The following SRSF1 variants were observed in gnomAD, a reference collection of about 807,000 sequenced individuals.
SRSF1 encodes the protein serine and arginine rich splicing factor 1, also known as serine/arginine-rich splicing factor 1.
Under a neutral mutation model 25.9 loss-of-function variants are expected in SRSF1, and 1 was observed. The ratio of observed to expected loss-of-function variants is 0.04; its 90% CI spans 0.01 to 0.18. The LOEUF (loss-of-function observed/expected upper bound fraction) is 0.18. Among genes scored for constraint, SRSF1 ranks in the 10% least tolerant of loss-of-function variants. The pLI is 1.00. For missense variants in SRSF1, 65 were observed against 350.5 expected (o/e 0.19, Z 6.50); for synonymous variants, 132 against 126.2 (o/e 1.05, Z -0.31).
In SRSF1 at chr17:58,005,996, C is replaced by A; in HGVS notation, c.380-23G>T. 1 of 1,593,242 alleles carries A rather than the reference C, an allele frequency of 6.3e-7. No individual in the cohort carries two copies. Among genetic ancestry groups the A allele is most frequent in the South Asian group, 1.1e-5 (1 of 90,066 alleles). ...GTCCTGAAAAAGTGATTTTTTTTTTCTTAGTACCAATTATCTTAAATTTCA... is the reference window on the plus strand; with the variant it reads ...GTCCTGAAAAAGTGATTTTTTTTTTATTAGTACCAATTATCTTAAATTTCA... On this transcript the variant is annotated intron_variant, in intron 2 of 3. Coordinates refer to ENST00000258962, the MANE Select transcript of SRSF1 (RefSeq NM_006924.5). The surrounding 1 kb of genome is among the most constrained non-coding windows in gnomAD (Gnocchi z 5.2).
intron 1 of SRSF1, 127 bp downstream of exon 1, chr17:58,006,817 G>A (rs1471857668): frequency 3.4e-5 from 40 of 1,183,138 alleles, no homozygotes; most frequent in Non-Finnish European, 4.4e-5. Flanking sequence ...CTCCTGCATG[G>A]GCGATACAGT....
Position 58,005,287 on chromosome 17 carries a change from C to G in SRSF1, c.*119G>C. On this transcript the variant is annotated 3_prime_UTR_variant, in exon 4 of 4. Transcript: ENST00000258962. This position sits in a 1 kb window ranked among gnomAD's most constrained non-coding sequence, Gnocchi z 5.2. Reference sequence around the variant, plus strand: ...GGAGCAAGGGGATATTACAAGAATGCAATTCAACACTTTAGCCCATTCTGA... The same window carrying G: ...GGAGCAAGGGGATATTACAAGAATGGAATTCAACACTTTAGCCCATTCTGA... 2 of 1,054,648 alleles carry G rather than the reference C, an allele frequency of 1.9e-6. No individual in the cohort carries two copies. Among genetic ancestry groups the G allele is most frequent in the Non-Finnish European group, 2.8e-6 (2 of 721,302 alleles). 65.3% of individuals were successfully genotyped at this position (1,054,648 alleles called of 1,614,324 possible).
chr17:57,997,563 G>C (rs964006879), downstream of SRSF1, among the ~76,000 whole-genome samples: 1 of 152,174 alleles, frequency 6.6e-6, no homozygotes, highest in Non-Finnish European at 1.5e-5. Flanking sequence ...AAATTGGAAA[G>C]GTAGAATATA....
chr17:57,998,522 C>T (rs1027402504), downstream of SRSF1, among the ~76,000 whole-genome samples: 13 of 152,118 alleles, frequency 8.5e-5, no homozygotes, highest in African/African-American at 1.2e-4. Flanking sequence ...AAGGAGAATT[C>T]TGAATTTTCA....
chr17:58,006,162 T>C lies in SRSF1; in HGVS notation c.379+181A>G, dbSNP rs2075425633. On this transcript the variant is annotated intron_variant, in intron 2 of 3. Coordinates refer to ENST00000258962, the MANE Select transcript of SRSF1 (RefSeq NM_006924.5). ...TATTTGTAACGATCTTCGTATCTAG[T>C]ACCGCAACCTAATTTGGTAAATCAC... 3.4e-5 allele frequency: 32 copies of C among 953,054 alleles called. No homozygotes were observed. The South Asian group carries it at 5.5e-4, about 16-fold the overall frequency. The allele number at this position is 953,054 out of a possible 1,614,324, so 59.0% of individuals were successfully genotyped here. A position where few individuals can be genotyped will look rare whatever the true frequency, so the allele number is the denominator to read the frequency against.
downstream of SRSF1, among the ~76,000 whole-genome samples, chr17:57,996,803 A>C (rs1347024121): frequency 1.3e-5 from 2 of 152,174 alleles, no homozygotes; most frequent in African/African-American, 2.4e-5. Flanking sequence ...AAGCTAGCTG[A>C]TCCTATAAAC....
At position 58,003,243 on chromosome 17, in the gene SRSF1, T is replaced by G. The variant is rs556504676; in HGVS notation, c.*2163A>C. The G allele has an allele frequency of 3.9e-5, 6 of 152,220 alleles. No individual in the cohort carries two copies. Among genetic ancestry groups the G allele is most frequent in the Non-Finnish European group, 8.8e-5 (6 of 68,030 alleles). The allele number at this position is 152,220 out of a possible 1,614,324, so 9.4% of individuals were successfully genotyped here. The stretch of plus-strand genomic sequence containing the variant: ...GTAGAGAAGCTTATCTTTCAGATGC[T>G]AGATCCATCCCCCACCGTCATTTAC... On this transcript the variant is annotated 3_prime_UTR_variant, in exon 4 of 4. Transcript: ENST00000258962.
chr17:58,006,332 A>G lies in SRSF1; in HGVS notation c.379+11T>C. On this transcript the variant is annotated intron_variant, in intron 2 of 3. Transcript: ENST00000258962. ...TCCCTTCACATCAATCCACACAACC[A>G]GTACACTCACCAGAGACAACCACTC... 6.2e-7 allele frequency: 1 copy of G among 1,607,280 alleles called. No homozygotes were observed. Among genetic ancestry groups the G allele is most frequent in the Non-Finnish European group, 8.5e-7 (1 of 1,176,298 alleles).
At chr17:58,006,713 G>A in intron 1 of SRSF1, 186 bp from the exon 2 acceptor site, 2 of 894,176 alleles carry the variant, frequency 2.2e-6, no homozygotes, top group Non-Finnish European at 3.3e-6. Flanking sequence ...CCAGCCCTCA[G>A]CGCCTCAGTT....
chr17:58,001,000 A>G lies in SRSF1; in HGVS notation c.*4406T>C, dbSNP rs897226047. ...AGTTTTTGGATTTCAAAAAATGGAT[A>G]AGAGACTGTAATCTGTTTTCTGCGT... On this transcript the variant is annotated 3_prime_UTR_variant, in exon 4 of 4. Transcript: ENST00000258962. 1.3e-5 allele frequency among the ~76,000 whole-genome samples: 2 copies of G among 152,190 alleles called. No homozygotes were observed. Among genetic ancestry groups the G allele is most frequent in the African/African-American group, 4.8e-5 (2 of 41,456 alleles).
At chr17:57,996,487 A>AAAAAAAAC (rs1170791562), downstream of SRSF1, among the ~76,000 whole-genome samples, 121 of 150,262 alleles carry the variant, frequency 8.1e-4, no homozygotes, top group Non-Finnish European at 1.5e-3. Flanking sequence ...CTGTCTTAAA[A>AAAAAAAAC]AAAAAAAAAA....
downstream of SRSF1, among the ~76,000 whole-genome samples, chr17:57,997,094 T>C (rs1383704836): frequency 6.6e-6 from 1 of 152,126 alleles, no homozygotes; most frequent in Non-Finnish European, 1.5e-5. Context: ...AGGCAACTAT[T>C]TAGTCTTTTT....
the SRSF1 span, chr17:57,990,216 C>CA: frequency 3.3e-5 from 5 of 152,678 alleles, no homozygotes; most frequent in African/African-American, 1.2e-4. Flanking sequence ...AGCAATCTTT[C>CA]ACACAGCACC....
the SRSF1 span, chr17:57,992,675 A>G: frequency 1.3e-5 from 2 of 152,160 alleles, no homozygotes; most frequent in African/African-American, 4.8e-5. Flanking sequence ...TTCATATGCA[A>G]AAAAATTTAC....
downstream of SRSF1, among the ~76,000 whole-genome samples, chr17:57,997,988 G>A (rs2075371522): frequency 1.3e-5 from 2 of 152,178 alleles, 1 homozygote; most frequent in South Asian, 4.1e-4. Context: ...GCCGAGGCGG[G>A]CGGATCACTT....
At chr17:57,998,775 T>TC (rs1388526102), downstream of SRSF1, among the ~76,000 whole-genome samples, 1 of 152,128 alleles carries the variant, frequency 6.6e-6, no homozygotes, top group East Asian at 1.9e-4. Context: ...TGATTACTTT[T>TC]CCCCCCACAA....
intron 2 of SRSF1, 139 bp from the exon 3 acceptor site, chr17:58,006,112 G>T (rs1477908313): frequency 2.1e-5 from 21 of 993,082 alleles, no homozygotes; most frequent in Non-Finnish European, 2.9e-5. Context: ...GAGCTGGTAA[G>T]ATTCTGGAAT....
At position 58,004,804 on chromosome 17, in the gene SRSF1, T is replaced by A. The variant is rs2075416138; in HGVS notation, c.*602A>T. ...CAAAGCAATTGTAGCTAAAGACAAC[T>A]GAATAAAATGTTTGCAAGTGTTTTA... On this transcript the variant is annotated 3_prime_UTR_variant, in exon 4 of 4. Transcript: ENST00000258962. 1 of 396,042 alleles carries A rather than the reference T, an allele frequency of 2.5e-6. No homozygotes were observed. The highest frequency in any genetic ancestry group is 4.5e-6 in the Non-Finnish European group (1 of 224,692). 24.5% of individuals were successfully genotyped at this position (396,042 alleles called of 1,614,324 possible).
chr17:57,993,908 T>C, the SRSF1 span: 7 of 152,378 alleles, frequency 4.6e-5, no homozygotes, highest in Non-Finnish European at 1.0e-4. Flanking sequence ...GCTTCCTCTT[T>C]CTTCCCACCT....
Sources: allele counts gnomAD v4.1 joint callset (sites outside exome capture counted in the v4.1 genomes callset), GRCh38; gene constraint gnomAD v4.1.1; non-coding constraint Gnocchi (gnomAD v3.1); transcripts MANE v1.5; gene names NCBI Gene and HGNC (gene_info 2026-07-23, HGNC 2026-07-21).